Variants in PDE7B observed in about 807,000 individuals in gnomAD.
PDE7B encodes the protein 3',5'-cyclic-AMP phosphodiesterase 7B.
A neutral mutation model predicts 56.2 loss-of-function variants in PDE7B; 29 were observed. The ratio of observed to expected loss-of-function variants is 0.52; its 90% CI spans 0.38 to 0.70. PDE7B has a LOEUF of 0.70. PDE7B is among the 30% of genes least tolerant of loss of function. The probability of loss-of-function intolerance (pLI) is 0.00; values close to 1 mark genes in which losing one functional copy is unlikely to be tolerated. For missense variants in PDE7B, 490 were observed against 565.0 expected, an observed-to-expected ratio of 0.87 and a Z score of 1.35; for synonymous variants, 197 against 196.9, an observed-to-expected ratio of 1.00 and a Z score of 0.00.
At chr6:135,908,152 G>A (rs1776148711) in intron 1 of PDE7B, among the ~76,000 whole-genome samples, 1 of 151,008 alleles carries the variant, frequency 6.6e-6, no homozygotes, top group African/African-American at 2.4e-5. Context: ...GCAGTGGTGT[G>A]ATCTTGGCTC....
At chr6:135,975,310 TG>T in intron 2 of PDE7B, among the ~76,000 whole-genome samples, 1 of 152,276 alleles carries the variant, frequency 6.6e-6, no homozygotes, top group Non-Finnish European at 1.5e-5. Flanking sequence ...GGGTTCTCAG[TG>T]GGGAAGAAAG....
chr6:135,993,902 C>T lies in PDE7B; in HGVS notation c.82+46378C>T, dbSNP rs145411598. Among the ~76,000 whole-genome samples the T allele has an allele frequency of 7.1e-3, 1,082 of 152,216 alleles. 18 individuals carry two copies. The highest frequency in any genetic ancestry group is 0.024 in the African/African-American group (995 of 41,510). On this transcript the variant is annotated intron_variant, in intron 2 of 12. Coordinates refer to ENST00000308191, the MANE Select transcript of PDE7B (RefSeq NM_018945.4). ...ATGTGGACCAGCCCTTATAAAAACT[C>T]GGGTCTATCCAAAGAGACATAGGAG...
chr6:135,951,728 AT>A (rs938344345), intron 2 of PDE7B, among the ~76,000 whole-genome samples: 1 of 151,910 alleles, frequency 6.6e-6, no homozygotes, highest in Non-Finnish European at 1.5e-5. Flanking sequence ...TCAAGGTTTA[AT>A]TTTTTTAATT....
intron 1 of PDE7B, among the ~76,000 whole-genome samples, chr6:135,923,617 A>T (rs1774131586): frequency 6.6e-6 from 1 of 152,182 alleles, no homozygotes; most frequent in African/African-American, 2.4e-5. Flanking sequence ...TTGTATTAAG[A>T]ACAATATAAA....
At chr6:135,965,826 G>A (rs1774988251) in intron 2 of PDE7B, among the ~76,000 whole-genome samples, 1 of 152,088 alleles carries the variant, frequency 6.6e-6, no homozygotes, top group Non-Finnish European at 1.5e-5. Flanking sequence ...AGAGGTCATG[G>A]GAGGCAGAAT....
intron 2 of PDE7B, among the ~76,000 whole-genome samples, chr6:135,983,875 G>A (rs536799316): frequency 2.6e-5 from 4 of 152,212 alleles, no homozygotes; most frequent in Admixed American, 2.6e-4. Flanking sequence ...TTCCAGCAAG[G>A]CCCTATGTTT....
intron 1 of PDE7B, among the ~76,000 whole-genome samples, chr6:135,881,313 T>C (rs560625926): frequency 1.4e-5 from 2 of 141,726 alleles, no homozygotes; most frequent in South Asian, 4.5e-4. Flanking sequence ...CTGGCCAACA[T>C]GGCAAAATCC....
At chr6:136,175,706 G>A (rs1428990625) in intron 9 of PDE7B, among the ~76,000 whole-genome samples, 1 of 152,024 alleles carries the variant, frequency 6.6e-6, no homozygotes, top group East Asian at 1.9e-4. Context: ...TGGCATTATT[G>A]TATACCACTA....
chr6:136,169,381 G>A (rs1160386719), intron 8 of PDE7B, among the ~76,000 whole-genome samples: 2 of 152,070 alleles, frequency 1.3e-5, no homozygotes, highest in Non-Finnish European at 2.9e-5. Flanking sequence ...CAGCTTCCAA[G>A]CTAACCCAAT....
intron 2 of PDE7B, among the ~76,000 whole-genome samples, chr6:136,080,951 A>G (rs953120279): frequency 6.6e-6 from 1 of 152,198 alleles, no homozygotes; most frequent in Non-Finnish European, 1.5e-5. Context: ...ACTTGAACTG[A>G]GTCTTGAAAC....
chr6:136,182,346 C>T (rs1393849587), intron 11 of PDE7B, among the ~76,000 whole-genome samples: 2 of 152,122 alleles, frequency 1.3e-5, no homozygotes, highest in South Asian at 2.1e-4. Flanking sequence ...AAAATCTCAG[C>T]TCTAGTTGCC....
intron 3 of PDE7B, 119 bp from the exon 4 acceptor site, chr6:136,147,232 T>A: frequency 1.6e-6 from 1 of 616,460 alleles, no homozygotes; most frequent in Non-Finnish European, 2.8e-6. Context: ...ACCATATTTT[T>A]AAAAGTATAG....
At chr6:135,969,803 G>A (rs79970529) in intron 2 of PDE7B, among the ~76,000 whole-genome samples, 2,101 of 152,264 alleles carry the variant, frequency 0.014, 50 homozygotes, top group African/African-American at 0.048. Flanking sequence ...ACTATCATCA[G>A]CGTCTGAGTC....
intron 2 of PDE7B, among the ~76,000 whole-genome samples, chr6:135,993,657 A>G (rs933582314): frequency 6.6e-6 from 1 of 152,222 alleles, no homozygotes; most frequent in Non-Finnish European, 1.5e-5. Context: ...GTGTCTACTC[A>G]GGAATTCCTG....
intron 1 of PDE7B, among the ~76,000 whole-genome samples, chr6:135,865,527 G>A (rs914948838): frequency 2.6e-5 from 4 of 151,912 alleles, no homozygotes; most frequent in African/African-American, 7.3e-5. Context: ...TCTCTTGAGT[G>A]TTTATAGCTG....
intron 2 of PDE7B, among the ~76,000 whole-genome samples, chr6:136,054,215 T>G (rs1776687369): frequency 6.6e-6 from 1 of 152,232 alleles, no homozygotes; most frequent in African/African-American, 2.4e-5. Context: ...TTAATCCATC[T>G]TGAATTAATT....
Position 136,002,482 on chromosome 6 carries a change from A to C in PDE7B, c.82+54958A>C, listed in dbSNP as rs377085979. Among the ~76,000 whole-genome samples, 279 of 152,228 alleles carry C rather than the reference A, an allele frequency of 1.8e-3. 2 individuals carry two copies. The East Asian group carries it at 0.028, about 15-fold the overall frequency. ...TCTCACGTGCAGAGACACACATAGGATCAAAATAAAAGGATAGAGGAAGAT... is the reference window on the plus strand; with the variant it reads ...TCTCACGTGCAGAGACACACATAGGCTCAAAATAAAAGGATAGAGGAAGAT... On this transcript the variant is annotated intron_variant, in intron 2 of 12. Transcript: ENST00000308191.
chr6:136,164,983 A>T (rs905415189), intron 8 of PDE7B, among the ~76,000 whole-genome samples: 6 of 152,232 alleles, frequency 3.9e-5, no homozygotes, highest in African/African-American at 1.4e-4. Context: ...TCACTAATAC[A>T]CTGGACATTA....
intron 1 of PDE7B, among the ~76,000 whole-genome samples, chr6:135,897,056 CA>C (rs1775915104): frequency 6.6e-6 from 1 of 152,192 alleles, no homozygotes; most frequent in Non-Finnish European, 1.5e-5. Context: ...CCATCTTCAT[CA>C]GATCACTTTC....
Sources: gnomAD v4.1 joint callset for allele counts (sites outside exome capture counted in the v4.1 genomes callset) on GRCh38, gnomAD v4.1.1 for gene constraint, MANE v1.5 for transcripts, NCBI Gene and HGNC (gene_info 2026-07-23, HGNC 2026-07-21) for gene names.